Variants in EDA observed in about 807,000 individuals in gnomAD.
EDA encodes the protein ectodysplasin A.
Under a neutral mutation model 23.6 loss-of-function variants are expected in EDA, and 2 were observed. That is an observed-to-expected ratio of 0.08 (90% CI 0.03 to 0.27). The LOEUF (loss-of-function observed/expected upper bound fraction) is 0.27. EDA is among the 10% of genes least tolerant of loss of function. The probability of loss-of-function intolerance (pLI) is 1.00; values close to 1 mark genes in which losing one functional copy is unlikely to be tolerated. For missense variants in EDA, 229 were observed against 324.2 expected (o/e 0.71, Z 2.26); for synonymous variants, 131 against 132.0 (o/e 0.99, Z 0.05).
At chrX:69,657,090 G>A (rs143542389) in intron 1 of EDA, among the ~76,000 whole-genome samples, 483 of 111,789 alleles carry the variant, frequency 4.3e-3, no homozygotes, top group African/African-American at 0.014. Context: ...ATTTCACAGG[G>A]GCTGAACTAA....
At chrX:69,847,939 C>T (rs1429851305) in intron 1 of EDA, among the ~76,000 whole-genome samples, 1 of 111,579 alleles carries the variant, frequency 9.0e-6, no homozygotes, top group Non-Finnish European at 1.9e-5. Flanking sequence ...AATGGTTGTG[C>T]CATTTTGCAT....
At chrX:69,740,616 G>A (rs1339116648) in intron 1 of EDA, among the ~76,000 whole-genome samples, 1 of 110,744 alleles carries the variant, frequency 9.0e-6, no homozygotes, top group African/African-American at 3.3e-5. Context: ...ATGTGTTTGG[G>A]TGTAGATCTC....
chrX:69,717,314 G>A (rs2012378615), intron 1 of EDA, among the ~76,000 whole-genome samples: 1 of 111,085 alleles, frequency 9.0e-6, no homozygotes, highest in African/African-American at 3.3e-5. Context: ...AGTATATACA[G>A]CCTGTATGTG....
intron 1 of EDA, among the ~76,000 whole-genome samples, chrX:69,813,816 TAA>T (rs11462972): frequency 9.8e-6 from 1 of 102,107 alleles, no homozygotes; most frequent in East Asian, 3.1e-4. Context: ...ATGCTGCATT[TAA>T]AAAAAAAAAA....
intron 1 of EDA, among the ~76,000 whole-genome samples, chrX:69,724,637 A>G (rs993884316): frequency 8.0e-5 from 9 of 111,818 alleles, no homozygotes; most frequent in Non-Finnish European, 1.5e-4. Context: ...CAGTTTATGT[A>G]GATGTTCAGT....
intron 1 of EDA, among the ~76,000 whole-genome samples, chrX:69,880,041 G>T (rs1454419354): frequency 8.9e-6 from 1 of 112,121 alleles, no homozygotes; most frequent in Non-Finnish European, 1.9e-5. Flanking sequence ...CAATAAAGTG[G>T]CATATTGTAT....
intron 2 of EDA, among the ~76,000 whole-genome samples, chrX:69,964,540 A>G (rs907369081): frequency 1.8e-5 from 2 of 112,085 alleles, no homozygotes; most frequent in Admixed American, 1.9e-4. Context: ...GGCTAGTTTT[A>G]GCCAATCAGA....
At chrX:70,022,306 A>T (rs1374720151) in intron 2 of EDA, among the ~76,000 whole-genome samples, 1 of 109,680 alleles carries the variant, frequency 9.1e-6, no homozygotes, top group Non-Finnish European at 1.9e-5. Context: ...AATGGTTGAC[A>T]TGTCTTATTT....
At chrX:69,789,494 C>T (rs1264809141) in intron 1 of EDA, among the ~76,000 whole-genome samples, 1 of 112,158 alleles carries the variant, frequency 8.9e-6, no homozygotes, top group African/African-American at 3.2e-5. Context: ...GAAGGCTCTG[C>T]ACCAGCTGTA....
intron 2 of EDA, among the ~76,000 whole-genome samples, chrX:69,983,764 T>C (rs1482480765): frequency 7.7e-4 from 71 of 91,908 alleles, no homozygotes; most frequent in African/African-American, 2.6e-3. Flanking sequence ...AGGAGTATCT[T>C]TGTGGCGTTC....
chrX:69,797,825 A>T (rs1436811521), intron 1 of EDA, among the ~76,000 whole-genome samples: 1 of 111,896 alleles, frequency 8.9e-6, no homozygotes, highest in Admixed American at 9.5e-5. Flanking sequence ...CTAATAATAA[A>T]CTTGAATGTA....
chrX:69,726,728 G>A lies in EDA; in HGVS notation c.396+110024G>A, dbSNP rs192297673. The stretch of plus-strand genomic sequence containing the variant: ...ATTTGGAGTCTGGTGAAGGTGAAAC[G>A]GGAGAGTTCCCTGACTCCCTTGCAG... On this transcript the variant is annotated intron_variant, in intron 1 of 7. Transcript: ENST00000374552. 6.3e-5 allele frequency among the ~76,000 whole-genome samples: 7 copies of A among 111,956 alleles called. No individual in the cohort carries two copies. In the East Asian group the frequency reaches 1.4e-3, roughly 23 times the overall value.
At chrX:69,830,163 T>C (rs2016572393) in intron 1 of EDA, among the ~76,000 whole-genome samples, 1 of 111,653 alleles carries the variant, frequency 9.0e-6, no homozygotes, top group Non-Finnish European at 1.9e-5. Flanking sequence ...AAAATATTTT[T>C]CTTGTGTGAT....
intron 1 of EDA, among the ~76,000 whole-genome samples, chrX:69,755,430 A>C (rs1176884508): frequency 2.7e-5 from 3 of 111,523 alleles, no homozygotes; most frequent in Non-Finnish European, 5.7e-5. Context: ...TGGAAGCTTC[A>C]TCTCAGAGGG....
chrX:69,906,080 C>G (rs1334874152), intron 1 of EDA, among the ~76,000 whole-genome samples: 1 of 111,814 alleles, frequency 8.9e-6, no homozygotes, highest in African/African-American at 3.2e-5. Flanking sequence ...TATACCCCAG[C>G]AACTTCCAAC....
intron 1 of EDA, among the ~76,000 whole-genome samples, chrX:69,719,756 CTT>C (rs1287499879): frequency 9.7e-6 from 1 of 102,566 alleles, no homozygotes. Context: ...CATTTTCTTT[CTT>C]TTTTTTTTTG....
intron 1 of EDA, among the ~76,000 whole-genome samples, chrX:69,642,255 GACTTAAA>G (rs1285213317): frequency 1.8e-5 from 2 of 111,413 alleles, no homozygotes; most frequent in African/African-American, 3.3e-5. Flanking sequence ...TCAGCTGTGT[GACTTAAA>G]ACTTAACCTA....
chrX:69,890,557 A>G (rs1294595266), intron 1 of EDA, among the ~76,000 whole-genome samples: 1 of 111,215 alleles, frequency 9.0e-6, no homozygotes, highest in Non-Finnish European at 1.9e-5. Flanking sequence ...ACAGACACAT[A>G]GACCAATGGA....
intron 1 of EDA, among the ~76,000 whole-genome samples, chrX:69,779,489 A>G (rs187542690): frequency 8.1e-5 from 9 of 111,468 alleles, no homozygotes; most frequent in Non-Finnish European, 1.5e-4. Context: ...CCATAGAGAT[A>G]GAAAGCAGAT....
Sources: gnomAD v4.1 joint callset for allele counts (sites outside exome capture counted in the v4.1 genomes callset) on GRCh38, gnomAD v4.1.1 for gene constraint, MANE v1.5 for transcripts, NCBI Gene and HGNC (gene_info 2026-07-23, HGNC 2026-07-21) for gene names.